The following PTPRN2 variants were observed in gnomAD, a reference collection of about 807,000 sequenced individuals.
PTPRN2 encodes protein tyrosine phosphatase receptor type N2.
In PTPRN2, 74 loss-of-function variants were observed where a neutral mutation model predicts 118.8. The observed-to-expected ratio is 0.62, with a 90% CI of 0.52 to 0.76. The LOEUF (loss-of-function observed/expected upper bound fraction) is 0.76. Among genes scored for constraint, PTPRN2 ranks in the 30% least tolerant of loss-of-function variants. PTPRN2 has a pLI of 0.00. For synonymous variants in PTPRN2, 641 were observed against 608.0 expected, an observed-to-expected ratio of 1.05 and a Z score of -0.80; for missense variants, 1,481 against 1,394.4, an observed-to-expected ratio of 1.06 and a Z score of -0.99.
At chr7:158,020,751 G>A (rs1318880735) in intron 11 of PTPRN2, among the ~76,000 whole-genome samples, 1 of 152,216 alleles carries the variant, frequency 6.6e-6, no homozygotes, top group Non-Finnish European at 1.5e-5. Flanking sequence ...AAAGACAAAA[G>A]TAGGGATCCT....
chr7:158,456,982 G>A (rs1169426875), intron 2 of PTPRN2, among the ~76,000 whole-genome samples: 1 of 152,028 alleles, frequency 6.6e-6, no homozygotes, highest in African/African-American at 2.4e-5. Context: ...AGCAACATTA[G>A]TTAACAGCAA....
intron 3 of PTPRN2, among the ~76,000 whole-genome samples, chr7:158,262,497 G>GCA (rs925677835): frequency 1.9e-5 from 1 of 51,424 alleles, no homozygotes. Flanking sequence ...ACACATACAT[G>GCA]CACACACACT....
At chr7:158,209,250 C>T (rs766490929) in intron 3 of PTPRN2, among the ~76,000 whole-genome samples, 1 of 152,008 alleles carries the variant, frequency 6.6e-6, no homozygotes, top group East Asian at 1.9e-4. Context: ...AATCAAAACA[C>T]ACAGAGTGGT....
chr7:157,613,495 G>A (rs1179446815), intron 15 of PTPRN2, among the ~76,000 whole-genome samples: 3 of 152,152 alleles, frequency 2.0e-5, no homozygotes, highest in Admixed American at 2.0e-4. Flanking sequence ...TCGACAGAAC[G>A]TGTCACCTCA....
Position 158,376,943 on chromosome 7 carries a change from CT to C in PTPRN2, c.164-60012del, listed in dbSNP as rs1388719339. Among the ~76,000 whole-genome samples, 89 of 67,708 alleles carry C rather than the reference CT, an allele frequency of 1.3e-3. 3 individuals are homozygous for C. The highest frequency in any genetic ancestry group is 2.1e-3 in the Non-Finnish European group (71 of 33,958). The allele number at this position is 67,708 out of a possible 152,430, so 44.4% of individuals were successfully genotyped here. A position where few individuals can be genotyped will look rare whatever the true frequency, so the allele number is the denominator to read the frequency against. ...ACGTCCTGCACGCGGGGTCAGGGGA[CT>C]CCCCCACAGCCCTGTCACACGTCCT... On this transcript the variant is annotated intron_variant, in intron 2 of 22. Transcript: ENST00000389418.
chr7:158,486,518 C>T (rs1420072350), intron 2 of PTPRN2, among the ~76,000 whole-genome samples: 1 of 152,190 alleles, frequency 6.6e-6, no homozygotes, highest in Non-Finnish European at 1.5e-5. Flanking sequence ...TTTCTACAAG[C>T]TGTTCCAGGA....
Position 157,837,936 on chromosome 7 carries a change from G to A in PTPRN2, c.1788+60737C>T, listed in dbSNP as rs145355571. 3.9e-3 allele frequency among the ~76,000 whole-genome samples: 598 copies of A among 151,642 alleles called. 3 individuals carry two copies. The highest frequency in any genetic ancestry group is 0.014 in the African/African-American group (573 of 41,280). On this transcript the variant is annotated intron_variant, in intron 12 of 22. Coordinates refer to ENST00000389418, the MANE Select transcript of PTPRN2 (RefSeq NM_002847.5). ...GCAAGGGAGAAAGCTCCTCTCCACC[G>A]TGGCTACTCCAGTTCCTCTCACAGT...
intron 1 of PTPRN2, among the ~76,000 whole-genome samples, chr7:158,530,249 G>T (rs1389721900): frequency 1.3e-5 from 2 of 152,192 alleles, no homozygotes; most frequent in African/African-American, 4.8e-5. Flanking sequence ...TGGAAAGCAA[G>T]GTCTTTACAG....
At chr7:158,210,105 T>C (rs962136332) in intron 3 of PTPRN2, among the ~76,000 whole-genome samples, 3 of 147,614 alleles carry the variant, frequency 2.0e-5, no homozygotes, top group African/African-American at 7.4e-5. Flanking sequence ...AAAAAGAGAA[T>C]ACCCTCAAAC....
intron 3 of PTPRN2, among the ~76,000 whole-genome samples, chr7:158,224,721 A>G (rs1433159509): frequency 6.6e-6 from 1 of 152,230 alleles, no homozygotes; most frequent in Non-Finnish European, 1.5e-5. Flanking sequence ...AGAAAAATTG[A>G]CAAATTGGCC....
rs915868730 is a variant in PTPRN2, at chr7:158,022,111, G to A, written c.1723+59187C>T. On this transcript the variant is annotated intron_variant, in intron 11 of 22. Transcript: ENST00000389418. This position sits in a 1 kb window ranked among gnomAD's most constrained non-coding sequence, Gnocchi z 4.6. Reference sequence around the variant, plus strand: ...AAGCTTCGGTCTTGGGCTTGTCCTGGTAGGAAAGGTTTTCCCAGCCAAGTG... The same window carrying A: ...AAGCTTCGGTCTTGGGCTTGTCCTGATAGGAAAGGTTTTCCCAGCCAAGTG... Among the ~76,000 whole-genome samples the A allele has an allele frequency of 1.1e-4, 16 of 152,160 alleles. No homozygotes were observed. The highest frequency in any genetic ancestry group is 3.9e-4 in the African/African-American group (16 of 41,448).
chr7:157,930,916 G>C (rs1293071737), intron 11 of PTPRN2, among the ~76,000 whole-genome samples: 1 of 150,406 alleles, frequency 6.6e-6, no homozygotes, highest in Non-Finnish European at 1.5e-5. Flanking sequence ...TTTGTTTTTC[G>C]CAAGAGGCAG....
intron 12 of PTPRN2, among the ~76,000 whole-genome samples, chr7:157,802,676 C>A (rs1300243314): frequency 6.6e-6 from 1 of 152,146 alleles, no homozygotes; most frequent in East Asian, 1.9e-4. Flanking sequence ...ATGGTTGCAC[C>A]ATTTATATTC....
intron 11 of PTPRN2, among the ~76,000 whole-genome samples, chr7:158,070,545 TGGAGGTGCCCATGGTG>T (rs1811206449): frequency 1.8e-5 from 2 of 112,238 alleles, no homozygotes; most frequent in African/African-American, 8.0e-5. Context: ...CTCCTGGTGG[TGGAGGTGCCCATGGTG>T]GTGGTGGAGG....
At chr7:158,178,045 G>GT (rs1563564335) in intron 5 of PTPRN2, among the ~76,000 whole-genome samples, 1 of 152,052 alleles carries the variant, frequency 6.6e-6, no homozygotes, top group Non-Finnish European at 1.5e-5. Flanking sequence ...TTTGTATTTT[G>GT]TTTTTTTAAA....
chr7:158,459,100 C>G (rs1281020481), intron 2 of PTPRN2, among the ~76,000 whole-genome samples: 1 of 152,216 alleles, frequency 6.6e-6, no homozygotes, highest in South Asian at 2.1e-4. Flanking sequence ...GCTGCACACA[C>G]AGGGCCACGA....
At chr7:157,720,838 C>T (rs1352033550) in intron 12 of PTPRN2, among the ~76,000 whole-genome samples, 1 of 152,208 alleles carries the variant, frequency 6.6e-6, no homozygotes, top group Non-Finnish European at 1.5e-5. Flanking sequence ...ACAGCGGAGC[C>T]CTGGGCAGGG....
At chr7:157,910,327 C>T (rs58635764) in intron 11 of PTPRN2, among the ~76,000 whole-genome samples, 10,269 of 143,690 alleles carry the variant, frequency 0.071, 1,030 homozygotes, top group African/African-American at 0.26. Context: ...TCCAGGATCA[C>T]GCACGTACGC....
intron 12 of PTPRN2, among the ~76,000 whole-genome samples, chr7:157,759,448 G>T (rs1325394774): frequency 6.6e-6 from 1 of 152,224 alleles, no homozygotes; most frequent in South Asian, 2.1e-4. Flanking sequence ...AGTGTCAGCC[G>T]CTTGGCCCAG....
Sources: allele counts gnomAD v4.1 joint callset (sites outside exome capture counted in the v4.1 genomes callset), GRCh38; gene constraint gnomAD v4.1.1; non-coding constraint Gnocchi (gnomAD v3.1); transcripts MANE v1.5; gene names NCBI Gene and HGNC (gene_info 2026-07-23, HGNC 2026-07-21).